SLCO3A1: variants seen among roughly 807,000 people sequenced by gnomAD.
SLCO3A1 encodes PGE1 transporter.
SLCO3A1 carries 27 observed loss-of-function variants against 63.1 expected under a neutral mutation model. That is an observed-to-expected ratio of 0.43 (90% CI 0.32 to 0.59). The LOEUF (loss-of-function observed/expected upper bound fraction) is 0.59. Among genes scored for constraint, SLCO3A1 ranks in the 20% least tolerant of loss-of-function variants. The pLI, the probability that SLCO3A1 is intolerant of heterozygous loss-of-function variation, is 0.09. For synonymous variants in SLCO3A1, 473 were observed against 409.9 expected (o/e 1.15, Z -1.86); for missense variants, 773 against 945.8 (o/e 0.82, Z 2.40).
rs1897151153 is a variant in SLCO3A1, at chr15:91,865,803, A to C, written c.180+11715A>C. Among the ~76,000 whole-genome samples the C allele has an allele frequency of 6.6e-6, 1 of 152,212 alleles. No individual in the cohort carries two copies. Among genetic ancestry groups the C allele is most frequent in the African/African-American group, 2.4e-5 (1 of 41,452 alleles). On this transcript the variant is annotated intron_variant, in intron 1 of 9. Transcript: ENST00000318445. The surrounding 1 kb of genome is among the most constrained non-coding windows in gnomAD (Gnocchi z 4.6). ...CTCGTTTCCAAATTAGGTCACATTC[A>C]CAGGCACTAAGAGTTAGGACTTCAG...
chr15:91,999,860 CA>C, intron 2 of SLCO3A1, among the ~76,000 whole-genome samples: 2 of 152,296 alleles, frequency 1.3e-5, no homozygotes, highest in South Asian at 2.1e-4. Context: ...AGCAAATCTA[CA>C]AATACAAATA....
At chr15:91,978,907 G>A (rs1384601567) in intron 2 of SLCO3A1, among the ~76,000 whole-genome samples, 1 of 152,180 alleles carries the variant, frequency 6.6e-6, no homozygotes, top group Non-Finnish European at 1.5e-5. Flanking sequence ...CCAACCTCTG[G>A]TCTAGTTCAA....
chr15:91,935,215 G>C (rs1198377564), intron 2 of SLCO3A1, among the ~76,000 whole-genome samples: 1 of 152,210 alleles, frequency 6.6e-6, no homozygotes, highest in Non-Finnish European at 1.5e-5. Flanking sequence ...GCCTCCCAAA[G>C]TGCTGGGATT....
intron 1 of SLCO3A1, among the ~76,000 whole-genome samples, chr15:91,892,998 A>G (rs1897910246): frequency 6.6e-6 from 1 of 152,244 alleles, no homozygotes; most frequent in Non-Finnish European, 1.5e-5. Flanking sequence ...GGCTAGTAAT[A>G]GGTGCTGAAT....
intron 2 of SLCO3A1, among the ~76,000 whole-genome samples, chr15:92,092,858 C>T (rs1218945343): frequency 6.6e-6 from 1 of 152,128 alleles, no homozygotes; most frequent in Non-Finnish European, 1.5e-5. Context: ...CACTCCTCTC[C>T]AAAGTGACAC....
At chr15:92,079,174 T>C (rs1416324670) in intron 2 of SLCO3A1, among the ~76,000 whole-genome samples, 1 of 152,130 alleles carries the variant, frequency 6.6e-6, no homozygotes, top group Non-Finnish European at 1.5e-5. Context: ...CTGGGGGCCC[T>C]GGGATGGCTG....
intron 2 of SLCO3A1, among the ~76,000 whole-genome samples, chr15:92,001,281 A>G (rs897121964): frequency 5.9e-5 from 9 of 152,132 alleles, no homozygotes; most frequent in African/African-American, 1.7e-4. Context: ...CTCTTTTCCA[A>G]CCACTGGGAA....
chr15:92,148,708 T>G (rs2048263418), intron 8 of SLCO3A1: 1 of 152,166 alleles, frequency 6.6e-6, no homozygotes, highest in Non-Finnish European at 1.5e-5. Flanking sequence ...TTGCCATTTA[T>G]CTTAAAAAAG....
intron 7 of SLCO3A1, among the ~76,000 whole-genome samples, chr15:92,146,501 G>A (rs1207403371): frequency 1.3e-5 from 2 of 152,206 alleles, no homozygotes; most frequent in Non-Finnish European, 2.9e-5. Context: ...ACGCGTGACA[G>A]CGTGCAGCCT....
At chr15:92,130,885 C>CAA (rs993611856) in intron 7 of SLCO3A1, among the ~76,000 whole-genome samples, 97 of 21,736 alleles carry the variant, frequency 4.5e-3, no homozygotes, top group East Asian at 0.021. Context: ...AAGTTCGGGG[C>CAA]AAAAAAAAAA....
At chr15:91,973,580 G>A (rs1396389801) in intron 2 of SLCO3A1, among the ~76,000 whole-genome samples, 1 of 152,178 alleles carries the variant, frequency 6.6e-6, no homozygotes, top group Admixed American at 6.5e-5. Context: ...GGATTCGAGG[G>A]CGAGTTAGGG....
At chr15:92,080,938 C>CTGTGTGTGTGTGTGTGTGTGTGTG (rs542459686) in intron 2 of SLCO3A1, among the ~76,000 whole-genome samples, 1 of 128,896 alleles carries the variant, frequency 7.8e-6, no homozygotes, top group African/African-American at 3.1e-5. Flanking sequence ...TACATAGTAG[C>CTGTGTGTGTGTGTGTGTGTGTGTG]TGTGTGTGTG....
At chr15:92,161,484 T>G (rs1490362793) in intron 9 of SLCO3A1, 1 of 152,254 alleles carries the variant, frequency 6.6e-6, no homozygotes, top group Admixed American at 6.5e-5. Flanking sequence ...TCATCTGCCA[T>G]TTTTGGTGAC....
chr15:92,015,130 C>T (rs2046411074), intron 2 of SLCO3A1, among the ~76,000 whole-genome samples: 1 of 152,136 alleles, frequency 6.6e-6, no homozygotes, highest in African/African-American at 2.4e-5. Context: ...TACTGATGAG[C>T]AAGGTCCATC....
chr15:91,981,148 T>C (rs1218407612), intron 2 of SLCO3A1, among the ~76,000 whole-genome samples: 1 of 152,164 alleles, frequency 6.6e-6, no homozygotes, highest in African/African-American at 2.4e-5. Context: ...AGCAGGGCAG[T>C]GGCCAGGCTG....
At chr15:92,075,600 A>G (rs2047267125) in intron 2 of SLCO3A1, among the ~76,000 whole-genome samples, 1 of 152,238 alleles carries the variant, frequency 6.6e-6, no homozygotes, top group Non-Finnish European at 1.5e-5. Flanking sequence ...CTTGCAGGCG[A>G]ATGCTGGCTC....
chr15:91,911,029 T>A (rs538610030), intron 1 of SLCO3A1, among the ~76,000 whole-genome samples: 1 of 152,306 alleles, frequency 6.6e-6, no homozygotes, highest in South Asian at 2.1e-4. Flanking sequence ...CTTTTGAAGG[T>A]GAGGATGGGC....
At chr15:91,926,480 A>G (rs1899014793) in intron 2 of SLCO3A1, among the ~76,000 whole-genome samples, 1 of 150,944 alleles carries the variant, frequency 6.6e-6, no homozygotes, top group South Asian at 2.1e-4. Context: ...ATGACTTCAT[A>G]TTGTCAGGAA....
intron 2 of SLCO3A1, among the ~76,000 whole-genome samples, chr15:91,925,097 C>T (rs1898967987): frequency 6.6e-6 from 1 of 152,240 alleles, no homozygotes; most frequent in South Asian, 2.1e-4. Context: ...CTGGGGAAGG[C>T]ACACCCATCT....
Sources: allele counts gnomAD v4.1 joint callset (sites outside exome capture counted in the v4.1 genomes callset), GRCh38; gene constraint gnomAD v4.1.1; non-coding constraint Gnocchi (gnomAD v3.1); transcripts MANE v1.5; gene names NCBI Gene and HGNC (gene_info 2026-07-23, HGNC 2026-07-21).